RAP1GDS1: variants seen among roughly 807,000 people sequenced by gnomAD.
RAP1GDS1 encodes RAP1, GTP-GDP dissociation stimulator 1.
In RAP1GDS1, 35 loss-of-function variants were observed where a neutral mutation model predicts 71.1. The observed-to-expected ratio is 0.49, with a 90% CI of 0.38 to 0.65. The LOEUF (loss-of-function observed/expected upper bound fraction) is 0.65. Ranked by LOEUF, RAP1GDS1 falls within the 30% of genes least tolerant of loss-of-function variation. The pLI, the probability that RAP1GDS1 is intolerant of heterozygous loss-of-function variation, is 0.00. For missense variants in RAP1GDS1, 663 were observed against 706.1 expected, an observed-to-expected ratio of 0.94 and a Z score of 0.69; for synonymous variants, 229 against 243.1, an observed-to-expected ratio of 0.94 and a Z score of 0.54.
At chr4:98,415,677 T>A (rs1043126490) in intron 7 of RAP1GDS1, among the ~76,000 whole-genome samples, 1 of 151,808 alleles carries the variant, frequency 6.6e-6, no homozygotes, top group Non-Finnish European at 1.5e-5. Flanking sequence ...GGGGGTGGAG[T>A]TTCCTATGAA....
At chr4:98,378,963 T>C in intron 4 of RAP1GDS1, 54 bp from the exon 5 acceptor site, 1 of 1,425,866 alleles carries the variant, frequency 7.0e-7, no homozygotes. Flanking sequence ...TATTTGAAAT[T>C]GTAAGGTACA....
At chr4:98,350,448 T>C (rs1736998423) in intron 3 of RAP1GDS1, among the ~76,000 whole-genome samples, 1 of 152,178 alleles carries the variant, frequency 6.6e-6, no homozygotes, top group African/African-American at 2.4e-5. Context: ...GGTTCTCACC[T>C]ATAATCCTAG....
At chr4:98,413,180 A>T (rs374200010) in intron 7 of RAP1GDS1, among the ~76,000 whole-genome samples, 3 of 149,476 alleles carry the variant, frequency 2.0e-5, no homozygotes, top group African/African-American at 5.0e-5. Context: ...CCATTTATAG[A>T]CCTCCCCCCA....
intron 1 of RAP1GDS1, among the ~76,000 whole-genome samples, chr4:98,285,868 A>AAAT (rs1426084043): frequency 6.8e-6 from 1 of 146,468 alleles, no homozygotes; most frequent in Non-Finnish European, 1.5e-5. Context: ...TAATAAATTT[A>AAAT]AATTATAAAT....
chr4:98,351,877 ATAAAATG>A (rs1219562688), intron 3 of RAP1GDS1, among the ~76,000 whole-genome samples: 2 of 152,084 alleles, frequency 1.3e-5, no homozygotes, highest in Non-Finnish European at 2.9e-5. Context: ...TGAGTGAGCC[ATAAAATG>A]GATTTTAATA....
intron 1 of RAP1GDS1, 142 bp downstream of exon 1, chr4:98,261,711 G>A: frequency 1.7e-6 from 2 of 1,145,188 alleles, no homozygotes; most frequent in Non-Finnish European, 2.4e-6. Flanking sequence ...TCCGGGGAGA[G>A]TCGGCGCACG....
At chr4:98,412,458 T>C (rs1747211948) in intron 7 of RAP1GDS1, among the ~76,000 whole-genome samples, 1 of 152,170 alleles carries the variant, frequency 6.6e-6, no homozygotes, top group Admixed American at 6.5e-5. Flanking sequence ...AAGGATGCAG[T>C]GAGCTATGAT....
chr4:98,310,743 T>A (rs764947037), intron 2 of RAP1GDS1, among the ~76,000 whole-genome samples: 8 of 152,094 alleles, frequency 5.3e-5, no homozygotes, highest in Non-Finnish European at 1.2e-4. Context: ...AAGCCACATA[T>A]GGTTATTGAG....
At chr4:98,277,848 G>A (rs1436157228) in intron 1 of RAP1GDS1, among the ~76,000 whole-genome samples, 1 of 152,186 alleles carries the variant, frequency 6.6e-6, no homozygotes, top group Non-Finnish European at 1.5e-5. Flanking sequence ...AGCAGCCTGT[G>A]GGCCAAATAT....
rs200900558 is a variant in RAP1GDS1, at chr4:98,280,169, T to C, written c.5-13239T>C. Among the ~76,000 whole-genome samples, 20 of 152,316 alleles carry C rather than the reference T, an allele frequency of 1.3e-4. No homozygotes were observed. In the East Asian group the frequency reaches 3.7e-3, roughly 28 times the overall value. On this transcript the variant is annotated intron_variant, in intron 1 of 14. Transcript: ENST00000408927. ...AAATGATATTTCTAGTTCTAGATCC[T>C]TGAGGAATCGCCACACTGTTTTCCA...
At chr4:98,400,037 C>T (rs1274497379) in intron 6 of RAP1GDS1, among the ~76,000 whole-genome samples, 2 of 151,978 alleles carry the variant, frequency 1.3e-5, no homozygotes. Flanking sequence ...TGTATAGTCC[C>T]AGCTACCTGG....
At chr4:98,424,577 A>G (rs1389546186) in intron 12 of RAP1GDS1, among the ~76,000 whole-genome samples, 1 of 152,204 alleles carries the variant, frequency 6.6e-6, no homozygotes, top group African/African-American at 2.4e-5. Context: ...CCTGGCCAAC[A>G]TGGTGAAACC....
chr4:98,307,037 G>T (rs1276260831), intron 2 of RAP1GDS1, among the ~76,000 whole-genome samples: 1 of 151,738 alleles, frequency 6.6e-6, no homozygotes, highest in African/African-American at 2.4e-5. Flanking sequence ...AAGCTTCTTT[G>T]TAAAATATAT....
chr4:98,338,680 G>GT (rs1353458881), intron 2 of RAP1GDS1, among the ~76,000 whole-genome samples: 2 of 152,088 alleles, frequency 1.3e-5, no homozygotes, highest in Non-Finnish European at 2.9e-5. Context: ...AACTTAAAAT[G>GT]TTTTTTATTA....
At chr4:98,306,143 T>A (rs2110307303) in intron 2 of RAP1GDS1, among the ~76,000 whole-genome samples, 1 of 152,328 alleles carries the variant, frequency 6.6e-6, no homozygotes, top group East Asian at 1.9e-4. Flanking sequence ...TGAAGTTAAC[T>A]GTCTTCTCTA....
intron 1 of RAP1GDS1, among the ~76,000 whole-genome samples, chr4:98,279,471 T>A (rs1249538871): frequency 6.6e-6 from 1 of 151,790 alleles, no homozygotes; most frequent in Admixed American, 6.6e-5. Flanking sequence ...TGGAATTTTT[T>A]TTTCATATGG....
chr4:98,300,066 T>A (rs1382593823), intron 2 of RAP1GDS1, among the ~76,000 whole-genome samples: 1 of 152,172 alleles, frequency 6.6e-6, no homozygotes, highest in Non-Finnish European at 1.5e-5. Context: ...TTAAAGAAGT[T>A]CTATAGGTGA....
intron 2 of RAP1GDS1, among the ~76,000 whole-genome samples, chr4:98,331,266 C>T (rs1442403651): frequency 6.7e-6 from 1 of 149,680 alleles, no homozygotes; most frequent in African/African-American, 2.5e-5. Flanking sequence ...GCCTCGGCAA[C>T]AGAGGGAGAC....
Position 98,437,613 on chromosome 4 carries a change from T to A in RAP1GDS1, c.1696+545T>A, listed in dbSNP as rs146573959. Among the ~76,000 whole-genome samples, 352 of 152,008 alleles carry A rather than the reference T, an allele frequency of 2.3e-3. 1 individual carries two copies. The highest frequency in any genetic ancestry group is 8.1e-3 in the African/African-American group (337 of 41,444). ...TTCGAGACCAGCCTGGCGAACATGGTGAAACCCTGTCTCTACTAAAAACAC... is the reference window on the plus strand; with the variant it reads ...TTCGAGACCAGCCTGGCGAACATGGAGAAACCCTGTCTCTACTAAAAACAC... On this transcript the variant is annotated intron_variant, in intron 14 of 14. Transcript: ENST00000408927.
Sources: gnomAD v4.1 joint callset for allele counts (sites outside exome capture counted in the v4.1 genomes callset) on GRCh38, gnomAD v4.1.1 for gene constraint, MANE v1.5 for transcripts, NCBI Gene and HGNC (gene_info 2026-07-23, HGNC 2026-07-21) for gene names.